INPP4B: variants seen among roughly 807,000 people sequenced by gnomAD.
The protein encoded by INPP4B is inositol polyphosphate-4-phosphatase type II B.
INPP4B carries 55 observed loss-of-function variants against 122.5 expected under a neutral mutation model. The observed-to-expected ratio is 0.45, with a 90% CI of 0.36 to 0.56. The LOEUF (loss-of-function observed/expected upper bound fraction) is 0.56, where lower values mean the gene tolerates loss of function less well. Among genes scored for constraint, INPP4B ranks in the 20% least tolerant of loss-of-function variants. The pLI, the probability that INPP4B is intolerant of heterozygous loss-of-function variation, is 0.00. For synonymous variants in INPP4B, 403 were observed against 388.7 expected (o/e 1.04, Z -0.43); for missense variants, 1,000 against 1,097.7 (o/e 0.91, Z 1.26).
At chr4:142,762,651 C>T (rs771074769) in intron 1 of INPP4B, among the ~76,000 whole-genome samples, 6 of 152,136 alleles carry the variant, frequency 3.9e-5, no homozygotes, top group African/African-American at 1.2e-4. Context: ...GCAACAAGTA[C>T]GTTATCTTCC....
intron 7 of INPP4B, among the ~76,000 whole-genome samples, chr4:142,352,942 T>C (rs1003061060): frequency 1.3e-5 from 2 of 151,922 alleles, no homozygotes; most frequent in South Asian, 2.1e-4. Context: ...CTTAGAAATA[T>C]AGGGTGGTGT....
At position 142,373,459 on chromosome 4, in the gene INPP4B, G is replaced by A. The variant is rs1473364483; in HGVS notation, c.372+29479C>T. On this transcript the variant is annotated intron_variant, in intron 7 of 25. Coordinates refer to ENST00000262992, the MANE Select transcript of INPP4B (RefSeq NM_001101669.3). ...CTATGTCATTTCTAGTCATCTTAGAGTATGATGATTAAGAAGAGCACAGAC... is the reference window on the plus strand; with the variant it reads ...CTATGTCATTTCTAGTCATCTTAGAATATGATGATTAAGAAGAGCACAGAC... Among the ~76,000 whole-genome samples, 4 of 152,088 alleles carry A rather than the reference G, an allele frequency of 2.6e-5. No individual in the cohort carries two copies. The East Asian group carries it at 5.8e-4, about 22-fold the overall frequency.
chr4:142,319,270 C>A (rs1374047118), intron 7 of INPP4B, among the ~76,000 whole-genome samples: 1 of 152,152 alleles, frequency 6.6e-6, no homozygotes, highest in Non-Finnish European at 1.5e-5. Context: ...TGGAGGAACA[C>A]CTCTCGGCAG....
At chr4:142,726,762 A>G (rs572281371) in intron 1 of INPP4B, among the ~76,000 whole-genome samples, 1 of 152,348 alleles carries the variant, frequency 6.6e-6, no homozygotes, top group African/African-American at 2.4e-5. Context: ...GAATAGTGAT[A>G]TAACTGCAAT....
intron 11 of INPP4B, among the ~76,000 whole-genome samples, chr4:142,257,459 T>C (rs1039237464): frequency 2.0e-5 from 3 of 152,188 alleles, no homozygotes; most frequent in Non-Finnish European, 1.5e-5. Context: ...GAAAACCCCA[T>C]GGTCTCAGCC....
At chr4:142,209,313 C>T (rs879762753) in intron 12 of INPP4B, among the ~76,000 whole-genome samples, 5 of 151,996 alleles carry the variant, frequency 3.3e-5, no homozygotes, top group Admixed American at 6.6e-5. Flanking sequence ...TTCTTATATA[C>T]ATAGGGAAGA....
At position 142,028,734 on chromosome 4, in the gene INPP4B, T is replaced by A. The variant is rs1183522032; in HGVS notation, c.*48A>T. 1 of 1,560,958 alleles carries A rather than the reference T, an allele frequency of 6.4e-7. No homozygotes were observed. Among genetic ancestry groups the A allele is most frequent in the Admixed American group, 1.9e-5 (1 of 51,616 alleles). On this transcript the variant is annotated 3_prime_UTR_variant, in exon 26 of 26. Coordinates refer to ENST00000262992, the MANE Select transcript of INPP4B (RefSeq NM_001101669.3). ...ACAAAAAAGACCAAGGTGAAGATTA[T>A]CCAACTGAAATGTATTTGTGTTCCT...
intron 2 of INPP4B, among the ~76,000 whole-genome samples, chr4:142,467,387 T>C (rs997933790): frequency 2.6e-5 from 4 of 152,192 alleles, no homozygotes; most frequent in Non-Finnish European, 5.9e-5. Flanking sequence ...TTTTGAAGCT[T>C]TAAGATTTAA....
At chr4:142,701,391 C>A (rs903079446) in intron 2 of INPP4B, among the ~76,000 whole-genome samples, 8 of 151,708 alleles carry the variant, frequency 5.3e-5, no homozygotes, top group African/African-American at 1.9e-4. Context: ...TAAAGGAATG[C>A]CACATGGATC....
At chr4:142,351,447 T>C (rs938456314) in intron 7 of INPP4B, among the ~76,000 whole-genome samples, 2 of 152,026 alleles carry the variant, frequency 1.3e-5, no homozygotes, top group Admixed American at 1.3e-4. Flanking sequence ...GCGTGGTTTC[T>C]GTTCCCTGAT....
intron 1 of INPP4B, among the ~76,000 whole-genome samples, chr4:142,729,176 A>C (rs1343048660): frequency 6.6e-6 from 1 of 152,154 alleles, no homozygotes; most frequent in Non-Finnish European, 1.5e-5. Context: ...AGCCGATGTA[A>C]CAAGATGGGG....
chr4:142,545,206 C>T (rs72726427), intron 2 of INPP4B, among the ~76,000 whole-genome samples: 4 of 152,140 alleles, frequency 2.6e-5, no homozygotes, highest in Non-Finnish European at 5.9e-5. Context: ...CACAATGAGG[C>T]AAAGATTTAA....
At chr4:142,152,903 A>C (rs755257506) in intron 17 of INPP4B, among the ~76,000 whole-genome samples, 2 of 152,162 alleles carry the variant, frequency 1.3e-5, no homozygotes, top group Non-Finnish European at 2.9e-5. Flanking sequence ...TGCCTATACC[A>C]CTGTTGCACA....
intron 21 of INPP4B, among the ~76,000 whole-genome samples, chr4:142,116,538 T>C (rs1325689987): frequency 1.3e-5 from 2 of 152,204 alleles, no homozygotes; most frequent in Non-Finnish European, 2.9e-5. Flanking sequence ...ATGTGGAAAC[T>C]GAACAACCTG....
intron 1 of INPP4B, among the ~76,000 whole-genome samples, chr4:142,755,483 T>C (rs1156756210): frequency 6.6e-6 from 1 of 151,976 alleles, no homozygotes; most frequent in Non-Finnish European, 1.5e-5. Context: ...CACAAAGCTA[T>C]AATTTTGATT....
chr4:142,682,500 A>G (rs1486376981), intron 2 of INPP4B, among the ~76,000 whole-genome samples: 1 of 151,988 alleles, frequency 6.6e-6, no homozygotes, highest in East Asian at 1.9e-4. Context: ...TAATTAAATT[A>G]CATCACTGAT....
chr4:142,059,355 T>TA (rs1275767019), intron 25 of INPP4B, among the ~76,000 whole-genome samples: 1 of 152,104 alleles, frequency 6.6e-6, no homozygotes, highest in East Asian at 1.9e-4. Context: ...CCTACTTGCC[T>TA]AATCACTCCC....
At chr4:142,295,399 A>C (rs561233808) in intron 9 of INPP4B, among the ~76,000 whole-genome samples, 16 of 152,098 alleles carry the variant, frequency 1.1e-4, no homozygotes, top group Non-Finnish European at 2.1e-4. Flanking sequence ...TTGGGGGGTG[A>C]GTGTTCATTT....
intron 7 of INPP4B, among the ~76,000 whole-genome samples, chr4:142,390,909 T>C (rs1053897796): frequency 2.0e-5 from 3 of 151,968 alleles, no homozygotes; most frequent in African/African-American, 7.3e-5. Flanking sequence ...TTTTAGGAGG[T>C]TCATGAAAGA....
Sources: allele counts gnomAD v4.1 joint callset (sites outside exome capture counted in the v4.1 genomes callset), GRCh38; gene constraint gnomAD v4.1.1; transcripts MANE v1.5; gene names NCBI Gene and HGNC (gene_info 2026-07-23, HGNC 2026-07-21).